The following ENOX1 variants were observed in gnomAD, a reference collection of about 807,000 sequenced individuals.
ENOX1 encodes candidate growth-related and time keeping constitutive hydroquinone (NADH) oxidase.
A neutral mutation model predicts 82.5 loss-of-function variants in ENOX1; 42 were observed. That is an observed-to-expected ratio of 0.51 (90% CI 0.40 to 0.66). The LOEUF is 0.66. ENOX1 is among the 30% of genes least tolerant of loss of function. ENOX1 has a pLI of 0.00. For missense variants in ENOX1, 608 were observed against 811.6 expected (o/e 0.75, Z 3.05); for synonymous variants, 271 against 282.2 (o/e 0.96, Z 0.40).
chr13:43,754,264 T>TAC (rs200368478), intron 1 of ENOX1, among the ~76,000 whole-genome samples: 8 of 148,018 alleles, frequency 5.4e-5, no homozygotes, highest in Admixed American at 2.0e-4. Flanking sequence ...TATACATATA[T>TAC]ACACACACAC....
intron 1 of ENOX1, among the ~76,000 whole-genome samples, chr13:43,669,433 C>T (rs2085149681): frequency 6.6e-6 from 1 of 152,126 alleles, no homozygotes; most frequent in Non-Finnish European, 1.5e-5. Context: ...CAAGTGCCCT[C>T]CTATCTCTAA....
chr13:43,712,220 T>C (rs920024931), intron 1 of ENOX1, among the ~76,000 whole-genome samples: 3 of 146,386 alleles, frequency 2.0e-5, no homozygotes, highest in African/African-American at 7.4e-5. Flanking sequence ...TTGTCAAAGA[T>C]CAGATAGTTG....
intron 1 of ENOX1, among the ~76,000 whole-genome samples, chr13:43,680,173 T>C (rs1329293): frequency 1.3e-5 from 2 of 152,362 alleles, no homozygotes; most frequent in African/African-American, 4.8e-5. Flanking sequence ...TTACTCTTTA[T>C]ACAGAAATGA....
At chr13:43,470,306 A>G (rs371471489) in intron 3 of ENOX1, among the ~76,000 whole-genome samples, 4 of 39,540 alleles carry the variant, frequency 1.0e-4, no homozygotes, top group South Asian at 7.1e-4. Context: ...ACATATATAT[A>G]CATATATATA....
intron 2 of ENOX1, among the ~76,000 whole-genome samples, chr13:43,608,514 A>G (rs1331925082): frequency 6.6e-6 from 1 of 152,100 alleles, no homozygotes; most frequent in East Asian, 1.9e-4. Context: ...TGACTGAGGG[A>G]CATCATTCCA....
chr13:43,393,619 C>T (rs1188959266), intron 5 of ENOX1, among the ~76,000 whole-genome samples: 2 of 151,862 alleles, frequency 1.3e-5, no homozygotes, highest in Non-Finnish European at 2.9e-5. Flanking sequence ...GGTGAAAGGA[C>T]AAATAGATAC....
chr13:43,390,497 TATG>T (rs1056723578), intron 5 of ENOX1, among the ~76,000 whole-genome samples: 2 of 152,204 alleles, frequency 1.3e-5, no homozygotes, highest in South Asian at 2.1e-4. Context: ...CTTGGTGGCT[TATG>T]ATAATACTTA....
chr13:43,443,295 A>G (rs2056456613), intron 3 of ENOX1, among the ~76,000 whole-genome samples: 1 of 152,242 alleles, frequency 6.6e-6, no homozygotes, highest in Non-Finnish European at 1.5e-5. Flanking sequence ...ATAGTAATAT[A>G]TGGCTAATTT....
At chr13:43,516,401 C>T (rs527521735) in intron 2 of ENOX1, among the ~76,000 whole-genome samples, 16 of 152,200 alleles carry the variant, frequency 1.1e-4, no homozygotes, top group African/African-American at 3.6e-4. Context: ...GGAGTGTACA[C>T]GTTAGAGAAG....
intron 2 of ENOX1, among the ~76,000 whole-genome samples, chr13:43,548,294 T>G (rs1345110033): frequency 6.6e-6 from 1 of 152,154 alleles, no homozygotes; most frequent in Admixed American, 6.5e-5. Flanking sequence ...CAAAGAAACC[T>G]TTCTTAGAAG....
intron 1 of ENOX1, among the ~76,000 whole-genome samples, chr13:43,680,782 AT>A (rs925504664): frequency 6.6e-5 from 10 of 152,138 alleles, no homozygotes; most frequent in Non-Finnish European, 1.3e-4. Flanking sequence ...CCCATGAACT[AT>A]TTTTTTATAA....
chr13:43,691,100 A>C (rs960786025), intron 1 of ENOX1, among the ~76,000 whole-genome samples: 25 of 152,322 alleles, frequency 1.6e-4, no homozygotes, highest in African/African-American at 6.0e-4. Flanking sequence ...CTAAAGCCAC[A>C]AAGTCAACCC....
chr13:43,315,070 C>A (rs2047402699), intron 11 of ENOX1, among the ~76,000 whole-genome samples: 1 of 152,100 alleles, frequency 6.6e-6, no homozygotes, highest in South Asian at 2.1e-4. Context: ...TATTCCTGAG[C>A]CTTAAAAAAT....
intron 2 of ENOX1, among the ~76,000 whole-genome samples, chr13:43,590,784 A>AC (rs2081212888): frequency 6.6e-6 from 1 of 151,734 alleles, no homozygotes; most frequent in Non-Finnish European, 1.5e-5. Flanking sequence ...TCAAAAAAAA[A>AC]AAAAAACATT....
intron 12 of ENOX1, 92 bp downstream of exon 12, chr13:43,298,254 T>C: frequency 7.5e-7 from 1 of 1,331,572 alleles, no homozygotes; most frequent in Non-Finnish European, 1.0e-6. Context: ...TTCTTCTCCT[T>C]CACCCTTTCC....
chr13:43,255,766 G>T (rs2153473163), intron 14 of ENOX1, among the ~76,000 whole-genome samples: 1 of 152,180 alleles, frequency 6.6e-6, no homozygotes, highest in South Asian at 2.1e-4. Flanking sequence ...AGAAATTGAA[G>T]ATTACACAAA....
intron 2 of ENOX1, among the ~76,000 whole-genome samples, chr13:43,584,933 T>C (rs916070705): frequency 6.6e-6 from 1 of 152,206 alleles, no homozygotes; most frequent in Non-Finnish European, 1.5e-5. Context: ...AAGCACAAAC[T>C]GGGATCACTT....
At chr13:43,652,534 A>G (rs777935230) in intron 2 of ENOX1, among the ~76,000 whole-genome samples, 1 of 152,200 alleles carries the variant, frequency 6.6e-6, no homozygotes, top group Non-Finnish European at 1.5e-5. Context: ...ACTTAGAAAC[A>G]TAGAGGATAA....
At chr13:43,760,535 G>A (rs1950906020) in intron 1 of ENOX1, among the ~76,000 whole-genome samples, 1 of 152,008 alleles carries the variant, frequency 6.6e-6, no homozygotes. Flanking sequence ...AACATCCCTG[G>A]ATCAGTGATG....
Sources: gnomAD v4.1 joint callset for allele counts (sites outside exome capture counted in the v4.1 genomes callset) on GRCh38, gnomAD v4.1.1 for gene constraint, MANE v1.5 for transcripts, NCBI Gene and HGNC (gene_info 2026-07-23, HGNC 2026-07-21) for gene names.